TDRD6: variants seen among roughly 807,000 people sequenced by gnomAD.
TDRD6 encodes tudor domain containing 6.
Under a neutral mutation model 157.5 loss-of-function variants are expected in TDRD6, and 186 were observed. The observed-to-expected ratio is 1.18, with a 90% CI of 1.05 to 1.33. The LOEUF is 1.33. Among genes scored for constraint, TDRD6 ranks in the 40% most tolerant of loss-of-function variants. The probability of loss-of-function intolerance (pLI) is 0.00; values close to 1 mark genes in which losing one functional copy is unlikely to be tolerated. For missense variants in TDRD6, 3,066 were observed against 2,508.0 expected (o/e 1.22, Z -4.75); for synonymous variants, 1,075 against 945.2 (o/e 1.14, Z -2.52).
chr6:46,696,597 ATATATTTTTTTTTTTTT>A (rs1306543109), intron 2 of TDRD6, among the ~76,000 whole-genome samples: 2 of 32,130 alleles, frequency 6.2e-5, no homozygotes, highest in African/African-American at 2.1e-4. Flanking sequence ...ATATATATAT[ATATATTTTTTTTTTTTT>A]TTTTTTTTTT....
At position 46,688,551 on chromosome 6, in the gene TDRD6, G is replaced by A. The variant is rs764225957; in HGVS notation, c.423G>A (p.Ala141=). 1.3e-6 allele frequency: 2 copies of A among 1,581,690 alleles called. No homozygotes were observed. Among genetic ancestry groups the A allele is most frequent in the Non-Finnish European group, 1.7e-6 (2 of 1,170,372 alleles). ...LAGLVPAGCG[A]GSGEPPQHWP... ...GCCTGGTGCCGGCAGGCTGCGGCGC[G>A]GGCTCAGGCGAGCCGCCGCAGCACT... Residue 141 remains alanine (A), a synonymous_variant, in exon 1 of 4, where the codon GCG becomes GCA. Transcript: ENST00000316081.
At chr6:46,683,318 A>G (rs12175419), upstream of TDRD6, among the ~76,000 whole-genome samples, 1 of 151,582 alleles carries the variant, frequency 6.6e-6, no homozygotes, top group Admixed American at 6.6e-5. Context: ...TTTAAAATGA[A>G]TCATAGACCT....
At position 46,690,680 on chromosome 6, in the gene TDRD6, T is replaced by G. The variant is rs965780919; in HGVS notation, c.2552T>G (p.Phe851Cys). Residue 851 changes from phenylalanine (F) to cysteine (C), a missense_variant, in exon 1 of 4, where the codon TTT becomes TGT. Physicochemically the swap from Phe to Cys is radical, Grantham distance 205. Coordinates refer to ENST00000316081, the MANE Select transcript of TDRD6 (RefSeq NM_001010870.3). ...TCTGTGGAGCATGTCAATGTAACAT[T>G]TGTAGATTATGGAGACAGAGAAATG... Reference protein sequence around the residue: ...IQSVEHVNVTFVDYGDREMVS... With the variant: ...IQSVEHVNVTCVDYGDREMVS... 6.2e-7 allele frequency: 1 copy of G among 1,614,150 alleles called. No individual in the cohort carries two copies. Among genetic ancestry groups the G allele is most frequent in the Non-Finnish European group, 8.5e-7 (1 of 1,179,996 alleles).
Position 46,691,863 on chromosome 6 carries a change from TA to T in TDRD6, c.3740del (p.Asn1247IlefsTer7). ...CTCAATATCAAGACTCTGTGGGAAA[TA>T]AAAATAGTCAAGTGTTTCCATTAAC... ...VTQYQDSVGNKNSQVFPLTTE... is the reference protein window; with the variant it reads ...VTQYQDSVGNXNSQVFPLTTE... On this transcript the variant is annotated frameshift_variant, in exon 1 of 4. Coordinates refer to ENST00000316081, the MANE Select transcript of TDRD6 (RefSeq NM_001010870.3). LOFTEE classifies it high-confidence loss of function. 1 of 1,592,352 alleles carries T rather than the reference TA, an allele frequency of 6.3e-7. No individual in the cohort carries two copies. Among genetic ancestry groups the T allele is most frequent in the Non-Finnish European group, 8.5e-7 (1 of 1,174,808 alleles).
In TDRD6 at chr6:46,690,118, G is replaced by T; in HGVS notation, c.1990G>T (p.Gly664Ter). Residue 664 changes from glycine (G) to a stop codon, truncating the protein, a stop_gained, in exon 1 of 4, where the codon GGA becomes TGA. Transcript: ENST00000316081. LOFTEE classifies it high-confidence loss of function. Reference protein sequence around the residue: ...ENISKVIAQAGYAKYQEFETK... With the variant: ...ENISKVIAQA ...CATTAGTAAGGTAATTGCCCAAGCT[G>T]GATATGCCAAGTATCAGGAATTTGA... 6.2e-7 allele frequency: 1 copy of T among 1,613,632 alleles called. No individual in the cohort carries two copies. The highest frequency in any genetic ancestry group is 8.5e-7 in the Non-Finnish European group (1 of 1,179,900).
At position 46,701,955 on chromosome 6, in the gene TDRD6, C is replaced by A; in HGVS notation, c.*68C>A. On this transcript the variant is annotated 3_prime_UTR_variant, in exon 4 of 4. Coordinates refer to ENST00000316081, the MANE Select transcript of TDRD6 (RefSeq NM_001010870.3). ...TGAACAAGTGGCATCTTACGCAGAC[C>A]AACAGAGTATTTGAGAAAATTGAAA... 1 of 1,533,310 alleles carries A rather than the reference C, an allele frequency of 6.5e-7. No homozygotes were observed. The highest frequency in any genetic ancestry group is 8.9e-7 in the Non-Finnish European group (1 of 1,118,086). 95.0% of individuals were successfully genotyped at this position (1,533,310 alleles called of 1,614,324 possible). A position where few individuals can be genotyped will look rare whatever the true frequency, so the allele number is the denominator to read the frequency against.
At chr6:46,701,585 C>T (rs1386964663) in intron 3 of TDRD6, among the ~76,000 whole-genome samples, 2 of 152,064 alleles carry the variant, frequency 1.3e-5, no homozygotes, top group Non-Finnish European at 2.9e-5. Flanking sequence ...GATTATCAGC[C>T]TTGTTCACAC....
rs1195869096 is a variant in TDRD6 at position 46,688,389 on chromosome 6, C to T, written c.261C>T (p.Val87=). Reference sequence around the variant, plus strand: ...TTTTGTGGCACCGCTGCCGCGTGGTCAGCCGGCAGGCACAGGAGAGCCGTG... The same window carrying T: ...TTTTGTGGCACCGCTGCCGCGTGGTTAGCCGGCAGGCACAGGAGAGCCGTG... ...VGLLWHRCRV[V]SRQAQESRVF... is the part of the protein sequence containing the mutation. Residue 87 remains valine, a synonymous_variant, in exon 1 of 4, where the codon GTC becomes GTT. Coordinates refer to ENST00000316081, the MANE Select transcript of TDRD6 (RefSeq NM_001010870.3). 6.5e-7 allele frequency: 1 copy of T among 1,536,438 alleles called. No individual in the cohort carries two copies. Among genetic ancestry groups the T allele is most frequent in the Non-Finnish European group, 8.7e-7 (1 of 1,145,140 alleles).
chr6:46,693,018 A>T lies in TDRD6; in HGVS notation c.4890A>T (p.Gln1630His). Residue 1630 changes from glutamine (Q) to histidine (H), a missense_variant, in exon 1 of 4, where the codon CAA becomes CAT. Gln to His is a conservative substitution (Grantham distance 24, BLOSUM62 0). Transcript: ENST00000316081. The part of the protein sequence containing the change: ...IPSELLSVPM[Q>H]AFPCCLSGFN... ...CTGAACTTCTGTCGGTTCCCATGCA[A>T]GCCTTTCCATGTTGCCTCTCAGGGT... 1 of 1,613,418 alleles carries T rather than the reference A, an allele frequency of 6.2e-7. No individual in the cohort carries two copies. Among genetic ancestry groups the T allele is most frequent in the Non-Finnish European group, 8.5e-7 (1 of 1,179,674 alleles).
At chr6:46,686,265 G>T (rs1764090718), upstream of TDRD6, among the ~76,000 whole-genome samples, 1 of 152,170 alleles carries the variant, frequency 6.6e-6, no homozygotes, top group Admixed American at 6.5e-5. Flanking sequence ...AATTTCAAGT[G>T]ATCATAAGAC....
In TDRD6 at chr6:46,690,656, C is replaced by T; in HGVS notation, c.2528C>T (p.Ser843Phe). ...WSRALISGIQSVEHVNVTFVD... is the reference protein window; with the variant it reads ...WSRALISGIQFVEHVNVTFVD... ...AGAGCACTTATTAGTGGGATACAGT[C>T]TGTGGAGCATGTCAATGTAACATTT... The change falls in exon 1 of 4, where the codon TCT becomes TTT. Residue 843 changes from serine (S) to phenylalanine (F), a missense_variant. Physicochemically the swap from Ser to Phe is radical, Grantham distance 155. Coordinates refer to ENST00000316081, the MANE Select transcript of TDRD6 (RefSeq NM_001010870.3). The T allele has an allele frequency of 1.9e-6, 3 of 1,614,154 alleles. No individual in the cohort carries two copies. The highest frequency in any genetic ancestry group is 2.2e-5 in the South Asian group (2 of 91,058).
chr6:46,690,287 C>G lies in TDRD6; in HGVS notation c.2159C>G (p.Ser720Ter), dbSNP rs1271952013. ...AKRENKTTSV[S>*]KALSDTTVVT... is the part of the protein sequence containing the mutation. Reference sequence around the variant, plus strand: ...AGAGAGAATAAAACCACATCTGTTTCAAAAGCTTTGAGTGACACAACAGTT... The same window carrying G: ...AGAGAGAATAAAACCACATCTGTTTGAAAAGCTTTGAGTGACACAACAGTT... The change falls in exon 1 of 4, where the codon TCA becomes TGA. Residue 720 changes from serine (S) to a stop codon, truncating the protein, a stop_gained. Coordinates refer to ENST00000316081, the MANE Select transcript of TDRD6 (RefSeq NM_001010870.3). LOFTEE classifies it high-confidence loss of function. 6.2e-7 allele frequency: 1 copy of G among 1,613,528 alleles called. No homozygotes were observed. Among genetic ancestry groups the G allele is most frequent in the South Asian group, 1.1e-5 (1 of 91,058 alleles).
intron 3 of TDRD6, among the ~76,000 whole-genome samples, chr6:46,699,705 G>A (rs1048659071): frequency 6.6e-6 from 1 of 152,064 alleles, no homozygotes; most frequent in South Asian, 2.1e-4. Flanking sequence ...ACTCACTCCT[G>A]TTGTGAGTCA....
intron 3 of TDRD6, among the ~76,000 whole-genome samples, chr6:46,701,376 T>A (rs1448911621): frequency 6.6e-6 from 1 of 152,166 alleles, no homozygotes; most frequent in Non-Finnish European, 1.5e-5. Flanking sequence ...TGATATTTGT[T>A]AAATAATCTC....
chr6:46,702,053 A>T lies in TDRD6; in HGVS notation c.*166A>T. 1 of 648,004 alleles carries T rather than the reference A, an allele frequency of 1.5e-6. No homozygotes were observed. The highest frequency in any genetic ancestry group is 2.7e-6 in the Non-Finnish European group (1 of 374,224). The allele number at this position is 648,004 out of a possible 1,614,324, so 40.1% of individuals were successfully genotyped here. On this transcript the variant is annotated 3_prime_UTR_variant, in exon 4 of 4. Transcript: ENST00000316081. Reference sequence around the variant, plus strand: ...GGAAAACAAATTAGGTCTCAGGTTGATGGTGGGGTGTGTTTATAGTGATCC... The same window carrying T: ...GGAAAACAAATTAGGTCTCAGGTTGTTGGTGGGGTGTGTTTATAGTGATCC...
chr6:46,694,769 T>C (rs1053577005), intron 1 of TDRD6, among the ~76,000 whole-genome samples: 15 of 152,170 alleles, frequency 9.9e-5, no homozygotes, highest in African/African-American at 3.6e-4. Flanking sequence ...ATCACATTTA[T>C]AATCAAGAGG....
intron 3 of TDRD6, chr6:46,701,116 TA>T: frequency 2.6e-6 from 1 of 378,814 alleles, no homozygotes; most frequent in Non-Finnish European, 5.4e-6. Flanking sequence ...TACAATTTCT[TA>T]AAAATATTGT....
Position 46,689,994 on chromosome 6 carries a change from G to C in TDRD6, c.1866G>C (p.Lys622Asn), listed in dbSNP as rs550048224. ...WSQEAVSFFK[K>N]TVLHKELVIH... ...AGGAGGCAGTTTCCTTTTTTAAAAAGACTGTGCTCCACAAAGAATTAGTCA... is the reference window on the plus strand; with the variant it reads ...AGGAGGCAGTTTCCTTTTTTAAAAACACTGTGCTCCACAAAGAATTAGTCA... Residue 622 changes from lysine to asparagine, a missense_variant, in exon 1 of 4, where the codon AAG becomes AAC. Physicochemically the swap from Lys to Asn is moderately conservative, Grantham distance 94. Transcript: ENST00000316081. 1 of 1,613,552 alleles carries C rather than the reference G, an allele frequency of 6.2e-7. No homozygotes were observed. Among genetic ancestry groups the C allele is most frequent in the South Asian group, 1.1e-5 (1 of 91,032 alleles).
rs770588273 is a variant in TDRD6 at position 46,687,968 on chromosome 6, G to A, written c.-161G>A. ...GCGGGAGTCCCGGAGGACCCTCGACGGGGGAGTTGCCGAGAAAAGGCCTCG... is the reference window on the plus strand; with the variant it reads ...GCGGGAGTCCCGGAGGACCCTCGACAGGGGAGTTGCCGAGAAAAGGCCTCG... On this transcript the variant is annotated 5_prime_UTR_variant, in exon 1 of 4. Coordinates refer to ENST00000316081, the MANE Select transcript of TDRD6 (RefSeq NM_001010870.3). The A allele has an allele frequency of 5.0e-5, 58 of 1,169,320 alleles. No individual in the cohort carries two copies. Among genetic ancestry groups the A allele is most frequent in the Non-Finnish European group, 6.3e-5 (56 of 885,992 alleles). The allele number at this position is 1,169,320 out of a possible 1,614,324, so 72.4% of individuals were successfully genotyped here.
Sources: allele counts gnomAD v4.1 joint callset (sites outside exome capture counted in the v4.1 genomes callset), GRCh38; gene constraint gnomAD v4.1.1; transcripts MANE v1.5; gene names NCBI Gene and HGNC (gene_info 2026-07-23, HGNC 2026-07-21).